The following FOCAD variants were observed in gnomAD, a reference collection of about 807,000 sequenced individuals.
The protein encoded by FOCAD is focadhesin.
In FOCAD, 198 loss-of-function variants were observed where a neutral mutation model predicts 225.6. That is an observed-to-expected ratio of 0.88 (90% CI 0.78 to 0.99). FOCAD has a LOEUF of 0.99. Ranked by LOEUF, FOCAD falls within the 50% of genes least tolerant of loss-of-function variation. The pLI is 0.00. For synonymous variants in FOCAD, 897 were observed against 755.0 expected, an observed-to-expected ratio of 1.19 and a Z score of -3.08; for missense variants, 2,713 against 2,123.6, an observed-to-expected ratio of 1.28 and a Z score of -5.46.
chr9:20,734,706 G>A (rs1270880143), intron 4 of FOCAD, among the ~76,000 whole-genome samples: 4 of 151,400 alleles, frequency 2.6e-5, no homozygotes, highest in Admixed American at 6.6e-5. Context: ...GTGCAGTGGC[G>A]TGATCATGGC....
chr9:20,725,723 T>C (rs115424976), intron 4 of FOCAD, among the ~76,000 whole-genome samples: 1 of 152,340 alleles, frequency 6.6e-6, no homozygotes, highest in African/African-American at 2.4e-5. Flanking sequence ...GCGGGTTACA[T>C]TGTATAGTCT....
intron 36 of FOCAD, among the ~76,000 whole-genome samples, chr9:20,976,972 C>G (rs980454534): frequency 6.8e-4 from 104 of 152,268 alleles, no homozygotes; most frequent in African/African-American, 2.4e-3. Flanking sequence ...TTTACATGTC[C>G]ATAGGCCAGA....
At position 20,761,251 on chromosome 9, in the gene FOCAD, G is replaced by C. The variant is rs7855788; in HGVS notation, c.494+3060G>C. Among the ~76,000 whole-genome samples, 495 of 152,192 alleles carry C rather than the reference G, an allele frequency of 3.3e-3. 2 individuals are homozygous for C. The highest frequency in any genetic ancestry group is 0.011 in the African/African-American group (476 of 41,516). ...TTAACCTTTCAGGAACTGAGAATTT[G>C]AGAATGGTGCAAATTGATAATATCA... is the stretch of plus-strand genomic sequence containing the variant. On this transcript the variant is annotated intron_variant, in intron 6 of 43. Transcript: ENST00000338382.
intron 1 of FOCAD, among the ~76,000 whole-genome samples, chr9:20,705,571 A>G (rs534135218): frequency 3.9e-5 from 6 of 152,300 alleles, no homozygotes; most frequent in African/African-American, 1.4e-4. Context: ...TTATTGGCCA[A>G]TAACACATTT....
chr9:20,672,038 G>T (rs1822079743), intron 2 of FOCAD, among the ~76,000 whole-genome samples: 1 of 151,114 alleles, frequency 6.6e-6, no homozygotes, highest in Non-Finnish European at 1.5e-5. Flanking sequence ...ACTGACTGTA[G>T]CTTATAAAGA....
chr9:20,934,611 A>C (rs982505068), intron 28 of FOCAD, among the ~76,000 whole-genome samples: 1 of 151,152 alleles, frequency 6.6e-6, no homozygotes, highest in Non-Finnish European at 1.5e-5. Flanking sequence ...GCCTAGTTTT[A>C]TACCAGTACC....
chr9:20,797,151 G>C (rs986332330), intron 11 of FOCAD, among the ~76,000 whole-genome samples: 4 of 152,138 alleles, frequency 2.6e-5, no homozygotes, highest in African/African-American at 7.2e-5. Flanking sequence ...ATTTCTGAGG[G>C]CTCTGTTCTG....
intron 21 of FOCAD, 73 bp from the exon 22 acceptor site, chr9:20,907,077 G>C: frequency 8.2e-7 from 1 of 1,213,216 alleles, no homozygotes; most frequent in Non-Finnish European, 1.2e-6. Flanking sequence ...AGAAAGAACT[G>C]ATGAAACAGT....
At chr9:20,660,218 G>A (rs1380319196) in intron 2 of FOCAD, among the ~76,000 whole-genome samples, 1 of 152,172 alleles carries the variant, frequency 6.6e-6, no homozygotes, top group Non-Finnish European at 1.5e-5. Flanking sequence ...AGTAGTTATG[G>A]TTAACACTTA....
At chr9:20,949,844 C>G (rs192008864) in intron 33 of FOCAD, among the ~76,000 whole-genome samples, 169 bp downstream of exon 33, 1 of 152,220 alleles carries the variant, frequency 6.6e-6, no homozygotes, top group Non-Finnish European at 1.5e-5. Context: ...TGTTAACTGA[C>G]AAACATGCAC....
At chr9:20,682,639 A>G (rs193067739), upstream of FOCAD, among the ~76,000 whole-genome samples, 1 of 152,340 alleles carries the variant, frequency 6.6e-6, no homozygotes, top group East Asian at 1.9e-4. Context: ...ATAGTCCTAA[A>G]AGAAATACTG....
chr9:20,993,750 G>C (rs1841857355), intron 43 of FOCAD, among the ~76,000 whole-genome samples: 1 of 152,116 alleles, frequency 6.6e-6, no homozygotes, highest in African/African-American at 2.4e-5. Flanking sequence ...GCCTATATTG[G>C]TTTCTGAAAG....
At chr9:20,746,323 A>G (rs1828032489) in intron 5 of FOCAD, among the ~76,000 whole-genome samples, 1 of 152,208 alleles carries the variant, frequency 6.6e-6, no homozygotes, top group Non-Finnish European at 1.5e-5. Context: ...AACAGGAGGC[A>G]GAGTGGCTGG....
intron 24 of FOCAD, among the ~76,000 whole-genome samples, chr9:20,921,266 C>T (rs1834401420): frequency 6.6e-6 from 1 of 152,148 alleles, no homozygotes; most frequent in Non-Finnish European, 1.5e-5. Context: ...CATTGTAGCT[C>T]AGCCTTCCTT....
chr9:20,693,963 G>C (rs1416413726), intron 1 of FOCAD, among the ~76,000 whole-genome samples: 1 of 152,178 alleles, frequency 6.6e-6, no homozygotes, highest in East Asian at 1.9e-4. Flanking sequence ...TTCCTGCCTT[G>C]GCCTCTCAAA....
chr9:20,810,130 A>C (rs1822896175), intron 11 of FOCAD, among the ~76,000 whole-genome samples: 2 of 152,148 alleles, frequency 1.3e-5, no homozygotes, highest in Non-Finnish European at 2.9e-5. Flanking sequence ...AGTCAAGAAG[A>C]CATCAAGTGC....
intron 1 of FOCAD, among the ~76,000 whole-genome samples, chr9:20,687,360 G>T (rs985730266): frequency 4.6e-5 from 7 of 152,150 alleles, no homozygotes; most frequent in African/African-American, 1.7e-4. Flanking sequence ...TGCTAATTTG[G>T]CTGATACATA....
At chr9:20,993,432 G>A (rs985031829) in intron 43 of FOCAD, 104 bp downstream of exon 43, 8 of 933,320 alleles carry the variant, frequency 8.6e-6, no homozygotes, top group African/African-American at 6.6e-5. Context: ...TCTCTTACCC[G>A]AAATGCTTGG....
upstream of FOCAD, among the ~76,000 whole-genome samples, chr9:20,682,811 C>T (rs975799264): frequency 9.2e-5 from 14 of 152,168 alleles, no homozygotes; most frequent in African/African-American, 3.1e-4. Flanking sequence ...CTCACTCCAT[C>T]AGAGGCTGGA....
Sources: allele counts gnomAD v4.1 joint callset (sites outside exome capture counted in the v4.1 genomes callset), GRCh38; gene constraint gnomAD v4.1.1; transcripts MANE v1.5; gene names NCBI Gene and HGNC (gene_info 2026-07-23, HGNC 2026-07-21).